Variants in AGBL4 observed in about 807,000 individuals in gnomAD.
AGBL4 encodes the protein AGBL carboxypeptidase 4.
A neutral mutation model predicts 66.4 loss-of-function variants in AGBL4; 58 were observed. The ratio of observed to expected loss-of-function variants is 0.87; its 90% confidence interval spans 0.71 to 1.09. AGBL4 has a LOEUF of 1.09. Ranked by LOEUF, AGBL4 falls within the 50% of genes least tolerant of loss-of-function variation. AGBL4 has a pLI of 0.00. For synonymous variants in AGBL4, 234 were observed against 222.9 expected, an observed-to-expected ratio of 1.05 and a Z score of -0.44; for missense variants, 579 against 631.0, an observed-to-expected ratio of 0.92 and a Z score of 0.88.
At chr1:49,001,365 C>T (rs1241397128) in intron 5 of AGBL4, among the ~76,000 whole-genome samples, 1 of 152,172 alleles carries the variant, frequency 6.6e-6, no homozygotes, top group African/African-American at 2.4e-5. Context: ...TGGGCAAGTT[C>T]TTAACTTCTG....
At chr1:48,839,424 A>G (rs1253757409) in intron 6 of AGBL4, among the ~76,000 whole-genome samples, 1 of 152,158 alleles carries the variant, frequency 6.6e-6, no homozygotes, top group Non-Finnish European at 1.5e-5. Context: ...GTCATTTGCA[A>G]CAACTAGATG....
intron 3 of AGBL4, among the ~76,000 whole-genome samples, chr1:49,463,554 G>A (rs1234825177): frequency 2.0e-5 from 3 of 151,722 alleles, no homozygotes; most frequent in African/African-American, 7.2e-5. Context: ...TAAAAAGGAT[G>A]TTCCTTCTCA....
intron 4 of AGBL4, among the ~76,000 whole-genome samples, chr1:49,195,693 A>G (rs1647220999): frequency 6.6e-6 from 1 of 152,182 alleles, no homozygotes; most frequent in African/African-American, 2.4e-5. Flanking sequence ...CTAGATATCT[A>G]AATCTCTTGC....
chr1:48,982,358 AC>A (rs1159615260), intron 5 of AGBL4, among the ~76,000 whole-genome samples: 1 of 151,454 alleles, frequency 6.6e-6, no homozygotes, highest in Non-Finnish European at 1.5e-5. Flanking sequence ...CCCCCACCCC[AC>A]AACAGGCCCC....
intron 3 of AGBL4, among the ~76,000 whole-genome samples, chr1:49,609,237 T>C (rs1645111868): frequency 6.6e-6 from 1 of 152,160 alleles, no homozygotes; most frequent in African/African-American, 2.4e-5. Flanking sequence ...CATAGGGACA[T>C]ATGCTAGCTT....
chr1:48,817,711 C>T (rs969121487), intron 6 of AGBL4: 1 of 262,624 alleles, frequency 3.8e-6, no homozygotes, highest in African/African-American at 2.2e-5. Context: ...CTGCCCCCAC[C>T]TGTCTGGAGC....
At chr1:48,942,507 T>C (rs780495431) in intron 5 of AGBL4, among the ~76,000 whole-genome samples, 5 of 152,146 alleles carry the variant, frequency 3.3e-5, no homozygotes, top group Non-Finnish European at 7.3e-5. Context: ...TGAGATGATT[T>C]TGGGAAAGAA....
chr1:49,435,530 T>C (rs960904116), intron 3 of AGBL4, among the ~76,000 whole-genome samples: 1 of 152,202 alleles, frequency 6.6e-6, no homozygotes, highest in Admixed American at 6.5e-5. Context: ...TCAGAGAACA[T>C]GTGCTTGTGG....
chr1:48,759,164 C>G, intron 6 of AGBL4: 1 of 1,614,196 alleles, frequency 6.2e-7, no homozygotes, highest in South Asian at 1.1e-5. Flanking sequence ...GAGGCCTCCA[C>G]GAAGACCTCT....
intron 1 of AGBL4, among the ~76,000 whole-genome samples, chr1:49,862,793 A>G (rs1375896123): frequency 6.6e-6 from 1 of 152,172 alleles, no homozygotes; most frequent in Non-Finnish European, 1.5e-5. Flanking sequence ...TATGTCCAAC[A>G]AAAATACCCT....
At chr1:48,867,735 T>C (rs1406443465) in intron 5 of AGBL4, among the ~76,000 whole-genome samples, 2 of 152,230 alleles carry the variant, frequency 1.3e-5, no homozygotes, top group Admixed American at 6.5e-5. Flanking sequence ...CATTCTTAAG[T>C]CTGCTCATAA....
chr1:49,794,391 C>T (rs1338725517), intron 2 of AGBL4, among the ~76,000 whole-genome samples: 2 of 151,790 alleles, frequency 1.3e-5, no homozygotes, highest in African/African-American at 4.8e-5. Flanking sequence ...TTCAATTTAC[C>T]TATGCAATTC....
intron 1 of AGBL4, among the ~76,000 whole-genome samples, chr1:49,950,047 T>TATATATACAC (rs1655967583): frequency 1.4e-5 from 2 of 142,944 alleles, no homozygotes; most frequent in African/African-American, 2.5e-5. Context: ...TATATACACA[T>TATATATACAC]ATGTGTATAT....
At chr1:49,409,149 G>GTTCTCTCTCT (rs1553197342) in intron 3 of AGBL4, among the ~76,000 whole-genome samples, 1 of 145,976 alleles carries the variant, frequency 6.9e-6, no homozygotes. Flanking sequence ...ACTCTCTCTG[G>GTTCTCTCTCT]CTCTCTCTCT....
intron 4 of AGBL4, among the ~76,000 whole-genome samples, chr1:49,168,165 AT>A (rs918206764): frequency 1.6e-4 from 24 of 151,572 alleles, no homozygotes; most frequent in Non-Finnish European, 2.5e-4. Context: ...CCATGCCTAT[AT>A]TTTTTTTTAA....
Position 49,251,565 on chromosome 1 carries a change from C to T in AGBL4, c.283-5701G>A, listed in dbSNP as rs190890452. 2.3e-4 allele frequency among the ~76,000 whole-genome samples: 35 copies of T among 152,342 alleles called. 1 individual carries two copies. In the East Asian group the frequency reaches 4.8e-3, roughly 21 times the overall value. On this transcript the variant is annotated intron_variant, in intron 3 of 13. Coordinates refer to ENST00000371839, the MANE Select transcript of AGBL4 (RefSeq NM_032785.4). ...CCAGAACCGCATCCCTGAGCCAACA[C>T]CACCTCCAATGCAACCATGCACAGT...
intron 4 of AGBL4, among the ~76,000 whole-genome samples, chr1:49,154,870 T>G (rs1646401856): frequency 6.6e-6 from 1 of 152,182 alleles, no homozygotes; most frequent in South Asian, 2.1e-4. Context: ...CAGGTTTTAT[T>G]GCCCACACAA....
chr1:49,004,778 G>C (rs957432103), intron 5 of AGBL4, among the ~76,000 whole-genome samples: 1 of 152,208 alleles, frequency 6.6e-6, no homozygotes, highest in African/African-American at 2.4e-5. Context: ...ACCATGAGTA[G>C]AAATTCTTAG....
intron 2 of AGBL4, among the ~76,000 whole-genome samples, chr1:49,786,293 G>A (rs944098031): frequency 5.3e-5 from 8 of 151,888 alleles, no homozygotes; most frequent in Non-Finnish European, 1.0e-4. Flanking sequence ...TTATCTTACG[G>A]TTATGAGCTA....
Sources: gnomAD v4.1 joint callset for allele counts (sites outside exome capture counted in the v4.1 genomes callset) on GRCh38, gnomAD v4.1.1 for gene constraint, MANE v1.5 for transcripts, NCBI Gene and HGNC (gene_info 2026-07-23, HGNC 2026-07-21) for gene names.